The following ZSCAN5B variants were observed in gnomAD, a reference collection of about 807,000 sequenced individuals.
ZSCAN5B encodes the protein zinc finger and SCAN domain-containing protein 5B.
Under a neutral mutation model 25.2 loss-of-function variants are expected in ZSCAN5B, and 26 were observed. The observed-to-expected ratio is 1.03, with a 90% CI of 0.76 to 1.43. The LOEUF is 1.43. ZSCAN5B is among the 40% of genes most tolerant of loss of function. The pLI is 0.00. For missense variants in ZSCAN5B, 745 were observed against 622.1 expected, an observed-to-expected ratio of 1.20 and a Z score of -2.10; for synonymous variants, 244 against 240.9, an observed-to-expected ratio of 1.01 and a Z score of -0.12.
chr19:56,193,206 T>C, intron 1 of ZSCAN5B, 27 bp from the exon 2 acceptor site: 1 of 916,300 alleles, frequency 1.1e-6, no homozygotes, highest in Non-Finnish European at 1.6e-6. Flanking sequence ...TGAGCCCGAT[T>C]ATTTTAACTT....
At chr19:56,195,200 C>T (rs562660073) in intron 1 of ZSCAN5B, among the ~76,000 whole-genome samples, 12 of 152,180 alleles carry the variant, frequency 7.9e-5, no homozygotes, top group Admixed American at 3.3e-4. Flanking sequence ...TCGGCAGAGG[C>T]GGGAGACAAC....
chr19:56,191,749 T>G, intron 3 of ZSCAN5B, 101 bp downstream of exon 3: 1 of 1,237,998 alleles, frequency 8.1e-7, no homozygotes, highest in Middle Eastern at 2.7e-4. Flanking sequence ...ATGGCTCTAA[T>G]CTTGTCCTGT....
At position 56,192,653 on chromosome 19, in the gene ZSCAN5B, C is replaced by G. The variant is rs377452033; in HGVS notation, c.384+16G>C. ...CAGCTCCCCTTCCCTGCACCAATCA[C>G]GAGGTTCCCACTCACCCATTTCTTG... On this transcript the variant is annotated intron_variant, in intron 2 of 4. Coordinates refer to ENST00000586855, the Ensembl canonical transcript of ZSCAN5B. 4 of 1,591,420 alleles carry G rather than the reference C, an allele frequency of 2.5e-6. No individual in the cohort carries two copies. The highest frequency in any genetic ancestry group is 2.7e-5 in the African/African-American group (2 of 74,314).
intron 1 of ZSCAN5B, among the ~76,000 whole-genome samples, chr19:56,194,497 T>C (rs982874521): frequency 4.6e-5 from 7 of 152,230 alleles, no homozygotes; most frequent in Non-Finnish European, 8.8e-5. Flanking sequence ...GGTTTCGCCA[T>C]GTTGCCCAGG....
chr19:56,192,936 G>T (rs2032758870), exon 2 of ZSCAN5B: 2 of 1,613,884 alleles, frequency 1.2e-6, no homozygotes, highest in Non-Finnish European at 1.7e-6. Context: ...AAGTCTCAGG[G>T]TTCCTGTCGT....
chr19:56,192,640 C>T, intron 2 of ZSCAN5B, 29 bp downstream of exon 2: 1 of 1,585,408 alleles, frequency 6.3e-7, no homozygotes, highest in Non-Finnish European at 8.6e-7. Flanking sequence ...GCTCCCCTTC[C>T]CTGCACCAAT....
intron 1 of ZSCAN5B, 28 bp from the exon 2 acceptor site, chr19:56,193,207 A>G (rs967680632): frequency 7.6e-6 from 7 of 915,628 alleles, no homozygotes; most frequent in Middle Eastern, 3.4e-4. Context: ...GAGCCCGATT[A>G]TTTTAACTTT....
At chr19:56,191,815 A>G in intron 3 of ZSCAN5B, 35 bp downstream of exon 3, 1 of 1,603,442 alleles carries the variant, frequency 6.2e-7, no homozygotes, top group East Asian at 2.2e-5. Flanking sequence ...TCCTTCTCCC[A>G]CCTCTGCCCA....
At position 56,191,833 on chromosome 19, in the gene ZSCAN5B, AG is replaced by A; in HGVS notation, c.588+16del. 6.2e-7 allele frequency: 1 copy of A among 1,611,584 alleles called. No individual in the cohort carries two copies. Among genetic ancestry groups the A allele is most frequent in the South Asian group, 1.1e-5 (1 of 90,924 alleles). ...TTCTCCCACCTCTGCCCAGACACCA[AG>A]GCCTCACACACTCACCTGCCTCCTG... On this transcript the variant is annotated intron_variant, in intron 3 of 4. Coordinates refer to ENST00000586855, the Ensembl canonical transcript of ZSCAN5B.
At chr19:56,197,001 C>A (rs756883028) in intron 1 of ZSCAN5B, among the ~76,000 whole-genome samples, 3 of 151,816 alleles carry the variant, frequency 2.0e-5, no homozygotes, top group African/African-American at 7.3e-5. Context: ...TGCACTCGGG[C>A]GGTGTGGTGG....
exon 4 of ZSCAN5B, chr19:56,190,955 G>A (rs778250927): frequency 2.7e-5 from 44 of 1,613,824 alleles, no homozygotes; most frequent in South Asian, 2.4e-4. Context: ...CACCTGTTAC[G>A]TCAATACTCT....
At chr19:56,190,731 T>C in intron 4 of ZSCAN5B, 106 bp downstream of exon 4, 1 of 1,542,358 alleles carries the variant, frequency 6.5e-7, no homozygotes, top group African/African-American at 1.4e-5. Flanking sequence ...GGAGGAGAGA[T>C]TTTGGCAGCT....
At chr19:56,191,374 G>A (rs1046515029) in intron 3 of ZSCAN5B, among the ~76,000 whole-genome samples, 1 of 152,086 alleles carries the variant, frequency 6.6e-6, no homozygotes, top group Admixed American at 6.6e-5. Flanking sequence ...CCCTCTAGAT[G>A]CTATCAACAC....
chr19:56,194,064 C>T (rs966416641), intron 1 of ZSCAN5B, among the ~76,000 whole-genome samples: 45 of 152,050 alleles, frequency 3.0e-4, no homozygotes, highest in Non-Finnish European at 4.6e-4. Flanking sequence ...TAAGAACATG[C>T]GCTATGTTGT....
chr19:56,193,104 A>C, exon 2 of ZSCAN5B: 3 of 1,475,338 alleles, frequency 2.0e-6, no homozygotes, highest in Non-Finnish European at 9.0e-7. Context: ...TCCAGTAGCC[A>C]GTATCAAATT....
chr19:56,190,476 G>A, exon 5 of ZSCAN5B: 1 of 1,614,044 alleles, frequency 6.2e-7, no homozygotes, highest in Non-Finnish European at 8.5e-7. Flanking sequence ...GTGAGTCAAA[G>A]CTTCTCTCTC....
chr19:56,190,066 G>A lies in ZSCAN5B; in HGVS notation c.1249C>T (p.Gln417Ter), dbSNP rs1448014087. 6.2e-7 allele frequency: 1 copy of A among 1,614,002 alleles called. No individual in the cohort carries two copies. Among genetic ancestry groups the A allele is most frequent in the Non-Finnish European group, 8.5e-7 (1 of 1,179,926 alleles). Residue 417 changes from glutamine to a stop codon, truncating the protein, a stop_gained, in exon 5 of 5, where the codon CAA (glutamine) becomes TAA (stop). Transcript: ENST00000586855. LOFTEE classifies it low-confidence loss of function (END_TRUNC). The stretch of plus-strand genomic sequence containing the variant: ...GTGGACTCGTGGGCGAACCGCTTTT[G>A]GCAGACGTCACACATGTAGGGCCTC...
In ZSCAN5B at chr19:56,196,299, G is replaced by A. The variant is rs540264692; in HGVS notation, c.-128+1435C>T. Among the ~76,000 whole-genome samples, 143 of 152,230 alleles carry A rather than the reference G, an allele frequency of 9.4e-4. No homozygotes were observed. The South Asian group carries it at 0.013, about 13-fold the overall frequency. The stretch of plus-strand genomic sequence containing the variant: ...ACTCCTGAACTCAAGTGATCCCTAT[G>A]CCTCGGCCTCCCAGAGTGCTGGGAT... On this transcript the variant is annotated intron_variant, in intron 1 of 4. Transcript: ENST00000586855.
At chr19:56,192,543 C>A in intron 2 of ZSCAN5B, 126 bp downstream of exon 2, 1 of 1,470,276 alleles carries the variant, frequency 6.8e-7, no homozygotes, top group South Asian at 1.4e-5. Flanking sequence ...CCTGTATCCC[C>A]TCTGCCTGTC....
Sources: allele counts gnomAD v4.1 joint callset (sites outside exome capture counted in the v4.1 genomes callset), GRCh38; gene constraint gnomAD v4.1.1; transcripts MANE v1.5; gene names NCBI Gene and HGNC (gene_info 2026-07-23, HGNC 2026-07-21).